The following RILP variants were observed in gnomAD, a reference collection of about 807,000 sequenced individuals.
RILP encodes Rab interacting lysosomal protein.
RILP carries 53 observed loss-of-function variants against 40.0 expected under a neutral mutation model. The ratio of observed to expected loss-of-function variants is 1.32; its 90% CI spans 1.06 to 1.66. The LOEUF (loss-of-function observed/expected upper bound fraction) is 1.66. Ranked by LOEUF, RILP falls within the 40% of genes most tolerant of loss-of-function variation. RILP has a pLI of 0.00. For missense variants in RILP, 626 were observed against 551.7 expected (o/e 1.13, Z -1.35); for synonymous variants, 272 against 250.6 (o/e 1.09, Z -0.80).
Position 1,649,555 on chromosome 17 carries a change from C to A in RILP, c.228+22G>T. The A allele has an allele frequency of 6.6e-7, 1 of 1,519,840 alleles. No individual in the cohort carries two copies. Among genetic ancestry groups the A allele is most frequent in the East Asian group, 2.5e-5 (1 of 40,024 alleles). 94.1% of individuals were successfully genotyped at this position (1,519,840 alleles called of 1,614,324 possible). A position where few individuals can be genotyped will look rare whatever the true frequency, so the allele number is the denominator to read the frequency against. On this transcript the variant is annotated intron_variant, in intron 1 of 7. Transcript: ENST00000301336. The surrounding 1 kb of genome is among the most constrained non-coding windows in gnomAD (Gnocchi z 4.3). ...TCGGCCCTGCCGGCCCCGTGGGTGGCGAAGGGAGGGCCATGACTCACCGAG... is the reference window on the plus strand; with the variant it reads ...TCGGCCCTGCCGGCCCCGTGGGTGGAGAAGGGAGGGCCATGACTCACCGAG...
In RILP at chr17:1,648,208, G is replaced by T; in HGVS notation, c.821+142C>A. On this transcript the variant is annotated intron_variant, in intron 5 of 7. Transcript: ENST00000301336. This position sits in a 1 kb window ranked among gnomAD's most constrained non-coding sequence, Gnocchi z 4.9. Reference sequence around the variant, plus strand: ...TACTGTCCCTCTCCCCTGTCTGGATGACATTGCAGGAGGGCAAGGGCTGTA... The same window carrying T: ...TACTGTCCCTCTCCCCTGTCTGGATTACATTGCAGGAGGGCAAGGGCTGTA... 3 of 1,166,498 alleles carry T rather than the reference G, an allele frequency of 2.6e-6. No individual in the cohort carries two copies. The highest frequency in any genetic ancestry group is 3.6e-6 in the Non-Finnish European group (3 of 825,366). 72.3% of individuals were successfully genotyped at this position (1,166,498 alleles called of 1,614,324 possible). A position where few individuals can be genotyped will look rare whatever the true frequency, so the allele number is the denominator to read the frequency against.
In RILP at chr17:1,649,840, C is replaced by A; in HGVS notation, c.-36G>T. 1 of 1,461,288 alleles carries A rather than the reference C, an allele frequency of 6.8e-7. No individual in the cohort carries two copies. The highest frequency in any genetic ancestry group is 2.1e-4 in the Middle Eastern group (1 of 4,654). The allele number at this position is 1,461,288 out of a possible 1,614,324, so 90.5% of individuals were successfully genotyped here. A position where few individuals can be genotyped will look rare whatever the true frequency, so the allele number is the denominator to read the frequency against. ...GGCTTAGGGCTGCGACCCCCCCACC[C>A]CACCCTCCACTGGGACGGGGAAAAG... On this transcript the variant is annotated 5_prime_UTR_variant, in exon 1 of 8. Transcript: ENST00000301336. This position sits in a 1 kb window ranked among gnomAD's most constrained non-coding sequence, Gnocchi z 4.3.
At position 1,648,526 on chromosome 17, in the gene RILP, G is replaced by T; in HGVS notation, c.676-31C>A. On this transcript the variant is annotated intron_variant, in intron 4 of 7. Coordinates refer to ENST00000301336, the MANE Select transcript of RILP (RefSeq NM_031430.3). This position sits in a 1 kb window ranked among gnomAD's most constrained non-coding sequence, Gnocchi z 4.9. ...GAAGGACAGGCACAGTCAGAGGGTC[G>T]CCTCGGCTGGCGTTCCCCCGCCCCA... is the stretch of plus-strand genomic sequence containing the variant. 2 of 1,603,432 alleles carry T rather than the reference G, an allele frequency of 1.2e-6. No individual in the cohort carries two copies. The highest frequency in any genetic ancestry group is 1.7e-6 in the Non-Finnish European group (2 of 1,176,742).
chr17:1,646,477 GGT>G lies in RILP; in HGVS notation c.1169_1170del (p.His390ProfsTer14), dbSNP rs774341024. The G allele has an allele frequency of 1.2e-6, 2 of 1,604,044 alleles. No individual in the cohort carries two copies. Among genetic ancestry groups the G allele is most frequent in the Admixed American group, 3.5e-5 (2 of 57,604 alleles). On this transcript the variant is annotated frameshift_variant, in exon 8 of 8. Transcript: ENST00000301336. LOFTEE classifies it high-confidence loss of function. This position sits in a 1 kb window ranked among gnomAD's most constrained non-coding sequence, Gnocchi z 4.3. ...GGGGCGGCTGAGGCCCCCAGACAAA[GGT>G]GTTCGTGGAGGGCAGAACAGGGCGG... The part of the protein sequence containing the change: ...PDPPCSALHE[H>X]LCLGASAAPE...
chr17:1,647,815 G>A lies in RILP; in HGVS notation c.944+20C>T, dbSNP rs754337225. ...GAGGGAGGGAGGCCTGGCTCCGTGGGAATGCAGGCAGGGACCTACCTGCTC... is the reference window on the plus strand; with the variant it reads ...GAGGGAGGGAGGCCTGGCTCCGTGGAAATGCAGGCAGGGACCTACCTGCTC... On this transcript the variant is annotated intron_variant, in intron 6 of 7. Coordinates refer to ENST00000301336, the MANE Select transcript of RILP (RefSeq NM_031430.3). The A allele has an allele frequency of 2.2e-5, 35 of 1,613,976 alleles. No individual in the cohort carries two copies. The highest frequency in any genetic ancestry group is 2.8e-5 in the Non-Finnish European group (33 of 1,179,950).
At position 1,649,495 on chromosome 17, in the gene RILP, G is replaced by A; in HGVS notation, c.239C>T (p.Ser80Leu). The A allele has an allele frequency of 6.6e-7, 1 of 1,508,736 alleles. No individual in the cohort carries two copies. The highest frequency in any genetic ancestry group is 2.1e-4 in the Middle Eastern group (1 of 4,852). 93.5% of individuals were successfully genotyped at this position (1,508,736 alleles called of 1,614,324 possible). Reference protein sequence around the residue: ...VGPAPDSLQVSAQPAEQELRR... With the variant: ...VGPAPDSLQVLAQPAEQELRR... ...CAGCTCCTGCTCCGCCGGCTGCGCC[G>A]ACACCTGCAGCTGGGGAGACCCGGG... is the stretch of plus-strand genomic sequence containing the variant. The change falls in exon 2 of 8, where the codon TCG becomes TTG. Residue 80 changes from serine to leucine, a missense_variant. Coordinates refer to ENST00000301336, the MANE Select transcript of RILP (RefSeq NM_031430.3). This position sits in a 1 kb window ranked among gnomAD's most constrained non-coding sequence, Gnocchi z 4.3.
Position 1,648,850 on chromosome 17 carries a change from C to A in RILP, c.624G>T (p.Glu208Asp). 1.3e-6 allele frequency: 2 copies of A among 1,546,782 alleles called. No individual in the cohort carries two copies. The highest frequency in any genetic ancestry group is 1.7e-6 in the Non-Finnish European group (2 of 1,155,984). The change falls in exon 4 of 8, where the codon GAG becomes GAT. Residue 208 changes from glutamate (E) to aspartate (D), a missense_variant. Transcript: ENST00000301336. The surrounding 1 kb of genome is among the most constrained non-coding windows in gnomAD (Gnocchi z 4.9). ...AGRPGHQHGQ[E>D]PEWATAGAGA... ...CTGCGCCGGCGGTCGCCCATTCGGG[C>A]TCCTGTCCGTGCTGGTGCCCGGGCC...
In RILP at chr17:1,648,010, A is replaced by G; in HGVS notation, c.822-53T>C. The stretch of plus-strand genomic sequence containing the variant: ...AGCCCTGGTGATGCCAGCCATGGGG[A>G]TGCCAGCAGTGGAGATGCCAGCCGC... On this transcript the variant is annotated intron_variant, in intron 5 of 7. Transcript: ENST00000301336. This position sits in a 1 kb window ranked among gnomAD's most constrained non-coding sequence, Gnocchi z 4.9. 6.2e-7 allele frequency: 1 copy of G among 1,606,700 alleles called. No homozygotes were observed. Among genetic ancestry groups the G allele is most frequent in the Non-Finnish European group, 8.5e-7 (1 of 1,177,954 alleles).
chr17:1,648,110 A>T lies in RILP; in HGVS notation c.822-153T>A, dbSNP rs1910720584. On this transcript the variant is annotated intron_variant, in intron 5 of 7. Coordinates refer to ENST00000301336, the MANE Select transcript of RILP (RefSeq NM_031430.3). This position sits in a 1 kb window ranked among gnomAD's most constrained non-coding sequence, Gnocchi z 4.9. The stretch of plus-strand genomic sequence containing the variant: ...AGCGCTCTGCCTTGCTGACACCCTC[A>T]GACCTTAAATTAGGTGGCCCCGTGG... 6.6e-6 allele frequency among the ~76,000 whole-genome samples: 1 copy of T among 152,222 alleles called. No homozygotes were observed. Among genetic ancestry groups the T allele is most frequent in the African/African-American group, 2.4e-5 (1 of 41,454 alleles).
rs757564944 is a variant in RILP at position 1,649,279 on chromosome 17, T to C, written c.350A>G (p.Lys117Arg). Residue 117 changes from lysine (K) to arginine (R), a missense_variant, in exon 3 of 8, where the codon AAG (lysine) becomes AGG (arginine). Coordinates refer to ENST00000301336, the MANE Select transcript of RILP (RefSeq NM_031430.3). The surrounding 1 kb of genome is among the most constrained non-coding windows in gnomAD (Gnocchi z 4.3). Reference protein sequence around the residue: ...QEERALLRQLKEVTDRQRDEL... With the variant: ...QEERALLRQLREVTDRQRDEL... ...GTCCCGCTGTCGGTCCGTGACCTCC[T>C]TGAGCTGCCGCAGCAGCGCGCGCTC... 39 of 1,505,142 alleles carry C rather than the reference T, an allele frequency of 2.6e-5. 1 individual carries two copies. The South Asian group carries it at 4.2e-4, about 16-fold the overall frequency. The allele number at this position is 1,505,142 out of a possible 1,614,324, so 93.2% of individuals were successfully genotyped here.
chr17:1,648,720 AT>A lies in RILP; in HGVS notation c.675+78del. 1 of 1,437,254 alleles carries A rather than the reference AT, an allele frequency of 7.0e-7. No homozygotes were observed. The allele number at this position is 1,437,254 out of a possible 1,614,324, so 89.0% of individuals were successfully genotyped here. ...CTTCCTGGCCGACCTGCTGTGCAGC[AT>A]GCAAACCTTGCTTGAGTGCCCACCG... On this transcript the variant is annotated intron_variant, in intron 4 of 7. Coordinates refer to ENST00000301336, the MANE Select transcript of RILP (RefSeq NM_031430.3). This position sits in a 1 kb window ranked among gnomAD's most constrained non-coding sequence, Gnocchi z 4.9.
In RILP at chr17:1,648,630, A is replaced by G; in HGVS notation, c.676-135T>C. The G allele has an allele frequency of 7.1e-7, 1 of 1,418,202 alleles. No homozygotes were observed. The highest frequency in any genetic ancestry group is 9.3e-7 in the Non-Finnish European group (1 of 1,075,506). 87.9% of individuals were successfully genotyped at this position (1,418,202 alleles called of 1,614,324 possible). On this transcript the variant is annotated intron_variant, in intron 4 of 7. Transcript: ENST00000301336. This position sits in a 1 kb window ranked among gnomAD's most constrained non-coding sequence, Gnocchi z 4.9. ...AGGGTGCCCTAACAGATAACAGAGCAGTGCTCCAGCTGAGAGCGGGGGCCG... is the reference window on the plus strand; with the variant it reads ...AGGGTGCCCTAACAGATAACAGAGCGGTGCTCCAGCTGAGAGCGGGGGCCG...
In RILP at chr17:1,648,453, G is replaced by A. The variant is rs1276112538; in HGVS notation, c.718C>T (p.Gln240Ter). 2 of 1,613,878 alleles carry A rather than the reference G, an allele frequency of 1.2e-6. No individual in the cohort carries two copies. Among genetic ancestry groups the A allele is most frequent in the African/African-American group, 1.3e-5 (1 of 74,952 alleles). The change falls in exon 5 of 8, where the codon CAG (glutamine) becomes TAG (stop). Residue 240 changes from glutamine (Q) to a stop codon, truncating the protein, a stop_gained. Transcript: ENST00000301336. LOFTEE classifies it high-confidence loss of function. The surrounding 1 kb of genome is among the most constrained non-coding windows in gnomAD (Gnocchi z 4.9). ...QQLGRPSEAGQCRFSREEFEQ... is the reference protein window; with the variant it reads ...QQLGRPSEAG ...AACTCCTCCCGACTGAAGCGGCACT[G>A]CCCTGCCTCCGAGGGGCGCCCGAGC...
In RILP at chr17:1,646,807, G is replaced by A. The variant is rs949976862; in HGVS notation, c.1028+99C>T. The A allele has an allele frequency of 9.1e-7, 1 of 1,100,454 alleles. No homozygotes were observed. The highest frequency in any genetic ancestry group is 1.3e-6 in the Non-Finnish European group (1 of 766,730). The allele number at this position is 1,100,454 out of a possible 1,614,324, so 68.2% of individuals were successfully genotyped here. On this transcript the variant is annotated intron_variant, in intron 7 of 7. Coordinates refer to ENST00000301336, the MANE Select transcript of RILP (RefSeq NM_031430.3). This position sits in a 1 kb window ranked among gnomAD's most constrained non-coding sequence, Gnocchi z 4.3. ...GTGTGCTTAGAGCCAAGCACAGCAG[G>A]GTGACGGGCAGAGAAGCGGGAAAGG...
At position 1,648,648 on chromosome 17, in the gene RILP, G is replaced by A; in HGVS notation, c.675+151C>T. 3.6e-6 allele frequency: 5 copies of A among 1,395,050 alleles called. No homozygotes were observed. The highest frequency in any genetic ancestry group is 4.7e-6 in the Non-Finnish European group (5 of 1,060,614). The allele number at this position is 1,395,050 out of a possible 1,614,324, so 86.4% of individuals were successfully genotyped here. ...ACAGAGCAGTGCTCCAGCTGAGAGC[G>A]GGGGCCGAGGCCGGCCGGGGGCGCA... On this transcript the variant is annotated intron_variant, in intron 4 of 7. Transcript: ENST00000301336. This position sits in a 1 kb window ranked among gnomAD's most constrained non-coding sequence, Gnocchi z 4.9.
In RILP at chr17:1,648,430, C is replaced by T. The variant is rs1910738821; in HGVS notation, c.741G>A (p.Glu247=). The change falls in exon 5 of 8, where the codon GAG becomes GAA. Residue 247 remains glutamate (E), a synonymous_variant. Transcript: ENST00000301336. The surrounding 1 kb of genome is among the most constrained non-coding windows in gnomAD (Gnocchi z 4.9). ...EAGQCRFSRE[E]FEQILQERNE... ...TCCGCTCCTGAAGGATCTGCTCAAA[C>T]TCCTCCCGACTGAAGCGGCACTGCC... 1.2e-6 allele frequency: 2 copies of T among 1,614,048 alleles called. No homozygotes were observed. The highest frequency in any genetic ancestry group is 1.7e-6 in the Non-Finnish European group (2 of 1,180,032).
At position 1,648,986 on chromosome 17, in the gene RILP, G is replaced by T. The variant is rs1020425569; in HGVS notation, c.488C>A (p.Ala163Glu). The T allele has an allele frequency of 8.2e-6, 12 of 1,458,418 alleles. No homozygotes were observed. Among genetic ancestry groups the T allele is most frequent in the South Asian group, 2.6e-5 (2 of 78,068 alleles). 90.3% of individuals were successfully genotyped at this position (1,458,418 alleles called of 1,614,324 possible). A position where few individuals can be genotyped will look rare whatever the true frequency, so the allele number is the denominator to read the frequency against. The change falls in exon 4 of 8, where the codon GCG (alanine) becomes GAG (glutamate). Residue 163 changes from alanine (A) to glutamate (E), a missense_variant. Ala to Glu is a moderately radical substitution (Grantham distance 107). Coordinates refer to ENST00000301336, the MANE Select transcript of RILP (RefSeq NM_031430.3). The surrounding 1 kb of genome is among the most constrained non-coding windows in gnomAD (Gnocchi z 4.9). ...LVNAELRHKL[A>E]AMQTQLRAAQ... ...GGCGCGCAGCTGGGTCTGCATGGCC[G>T]CCAGCTTGTGCCGCAGCTCAGCGTT...
At position 1,649,326 on chromosome 17, in the gene RILP, A is replaced by AGCG. The variant is rs776333700; in HGVS notation, c.323-23_323-21dup. On this transcript the variant is annotated intron_variant, in intron 2 of 7. Transcript: ENST00000301336. The surrounding 1 kb of genome is among the most constrained non-coding windows in gnomAD (Gnocchi z 4.3). ...GCTCCTCTGAGGAAGGGGCGTTCTTAGCGGCGGCGGCGCGCGGCCCGCGGG... is the reference window on the plus strand; with the variant it reads ...GCTCCTCTGAGGAAGGGGCGTTCTTAGCGGCGGCGGCGGCGCGCGGCCCGCGGG... 1.3e-6 allele frequency: 2 copies of AGCG among 1,493,914 alleles called. No individual in the cohort carries two copies. The highest frequency in any genetic ancestry group is 1.2e-5 in the South Asian group (1 of 80,064). 92.5% of individuals were successfully genotyped at this position (1,493,914 alleles called of 1,614,324 possible).
Position 1,649,153 on chromosome 17 carries a change from G to C in RILP, c.429+47C>G. ...GCCCCCGGAGCCCCGCCCAGCGCCT[G>C]CCACGCTCCGCCCCCGCCCCGCCCC... On this transcript the variant is annotated intron_variant, in intron 3 of 7. Transcript: ENST00000301336. This position sits in a 1 kb window ranked among gnomAD's most constrained non-coding sequence, Gnocchi z 4.3. The C allele has an allele frequency of 8.5e-7, 1 of 1,177,442 alleles. No homozygotes were observed. The highest frequency in any genetic ancestry group is 1.1e-6 in the Non-Finnish European group (1 of 924,972). 72.9% of individuals were successfully genotyped at this position (1,177,442 alleles called of 1,614,324 possible).
Sources: allele counts gnomAD v4.1 joint callset (sites outside exome capture counted in the v4.1 genomes callset), GRCh38; gene constraint gnomAD v4.1.1; non-coding constraint Gnocchi (gnomAD v3.1); transcripts MANE v1.5; gene names NCBI Gene and HGNC (gene_info 2026-07-23, HGNC 2026-07-21).